DPP6: variants seen among roughly 807,000 people sequenced by gnomAD.
DPP6 encodes dipeptidyl peptidase like 6, also known as A-type potassium channel modulatory protein DPP6.
DPP6 carries 69 observed loss-of-function variants against 122.6 expected under a neutral mutation model. That is an observed-to-expected ratio of 0.56 (90% CI 0.46 to 0.69). The LOEUF is 0.69. DPP6 is among the 30% of genes least tolerant of loss of function. The pLI is 0.00. For missense variants in DPP6, 928 were observed against 1,116.9 expected (o/e 0.83, Z 2.41); for synonymous variants, 418 against 433.1 (o/e 0.97, Z 0.43).
chr7:154,608,316 T>A (rs1833685657), intron 5 of DPP6, among the ~76,000 whole-genome samples: 2 of 122,818 alleles, frequency 1.6e-5, no homozygotes, highest in Non-Finnish European at 3.4e-5. Context: ...TTTTTAGGAG[T>A]GATCATATAT....
intron 1 of DPP6, among the ~76,000 whole-genome samples, chr7:154,366,848 T>G (rs1445681507): frequency 3.3e-5 from 5 of 152,200 alleles, no homozygotes; most frequent in Admixed American, 3.3e-4. Context: ...TACAATTCCC[T>G]CCCTGTGAAG....
chr7:154,696,189 C>T (rs1056086600), intron 7 of DPP6, among the ~76,000 whole-genome samples: 3 of 152,192 alleles, frequency 2.0e-5, no homozygotes, highest in African/African-American at 4.8e-5. Flanking sequence ...CGGAAGCTTC[C>T]GTTCTGTGAG....
At chr7:154,458,769 A>T (rs1821023775) in intron 2 of DPP6, among the ~76,000 whole-genome samples, 1 of 152,242 alleles carries the variant, frequency 6.6e-6, no homozygotes, top group Non-Finnish European at 1.5e-5. Flanking sequence ...GCCATGTGCC[A>T]GCCCTTGGAA....
rs557680615 is a variant in DPP6 at position 154,466,027 on chromosome 7, TA to T, written c.359-8904del. On this transcript the variant is annotated intron_variant, in intron 2 of 25. Transcript: ENST00000377770. The stretch of plus-strand genomic sequence containing the variant: ...TATACCATGGAATACTATGCAGTCA[TA>T]AAAAAAATGAGTTCATGTCCTTTGC... 3.8e-3 allele frequency among the ~76,000 whole-genome samples: 572 copies of T among 152,000 alleles called. 2 individuals are homozygous for T. The highest frequency in any genetic ancestry group is 0.013 in the African/African-American group (546 of 41,472).
chr7:153,778,931 A>G, the DPP6 span, among the ~76,000 whole-genome samples: 1 of 148,750 alleles, frequency 6.7e-6, no homozygotes, highest in Non-Finnish European at 1.5e-5. Flanking sequence ...AAACAACTGA[A>G]GTCTTCACCT....
chr7:154,333,822 T>C (rs545932633), intron 1 of DPP6, among the ~76,000 whole-genome samples: 2 of 152,316 alleles, frequency 1.3e-5, no homozygotes, highest in Non-Finnish European at 2.9e-5. Flanking sequence ...GGGTCAGCCA[T>C]TGGTATTGCA....
chr7:154,231,465 G>A (rs1800912908), intron 1 of DPP6, among the ~76,000 whole-genome samples: 1 of 152,194 alleles, frequency 6.6e-6, no homozygotes, highest in Admixed American at 6.5e-5. Context: ...GAACCACGAT[G>A]TAAGTGTCAG....
intron 1 of DPP6, among the ~76,000 whole-genome samples, chr7:154,030,524 A>G (rs6980009): frequency 6.6e-6 from 1 of 152,110 alleles, no homozygotes; most frequent in East Asian, 1.9e-4. Context: ...CTCCTGCATC[A>G]TAACGGTGCT....
intron 7 of DPP6, among the ~76,000 whole-genome samples, chr7:154,721,990 C>A (rs1191266728): frequency 1.4e-5 from 2 of 146,286 alleles, no homozygotes; most frequent in Non-Finnish European, 3.0e-5. Flanking sequence ...CATAGTGAGA[C>A]CCCATCTCTA....
intron 1 of DPP6, among the ~76,000 whole-genome samples, chr7:154,246,530 A>C (rs1371146375): frequency 6.6e-6 from 1 of 152,214 alleles, no homozygotes; most frequent in Non-Finnish European, 1.5e-5. Flanking sequence ...AGAAATTGAC[A>C]AGCAGATTCT....
rs754755423 is a variant in DPP6, at chr7:154,643,202, T to A, written c.680+5329T>A. Reference sequence around the variant, plus strand: ...TAATTTCCCTCTTAAAAGAAGTATCTATGGCCTCAACTGTCTACAATTCTC... The same window carrying A: ...TAATTTCCCTCTTAAAAGAAGTATCAATGGCCTCAACTGTCTACAATTCTC... On this transcript the variant is annotated intron_variant, in intron 6 of 25. Coordinates refer to ENST00000377770, the MANE Select transcript of DPP6 (RefSeq NM_130797.4). Among the ~76,000 whole-genome samples, 7 of 152,190 alleles carry A rather than the reference T, an allele frequency of 4.6e-5. No individual in the cohort carries two copies. The East Asian group carries it at 7.7e-4, about 17-fold the overall frequency.
At chr7:154,662,314 G>A (rs1490650472) in intron 6 of DPP6, among the ~76,000 whole-genome samples, 1 of 151,532 alleles carries the variant, frequency 6.6e-6, no homozygotes, top group East Asian at 2.0e-4. Context: ...ATATAGTCAT[G>A]GTGAATCACC....
the DPP6 span, among the ~76,000 whole-genome samples, chr7:153,752,769 T>C: frequency 7.3e-6 from 1 of 136,286 alleles, no homozygotes; most frequent in Non-Finnish European, 1.5e-5. Context: ...ATCATTGAAG[T>C]TGGAATCCAG....
At chr7:154,092,374 G>A (rs1209960367) in intron 1 of DPP6, 1 of 151,968 alleles carries the variant, frequency 6.6e-6, no homozygotes, top group African/African-American at 2.4e-5. Context: ...CTGGCACACT[G>A]TGGACCACTG....
chr7:153,760,378 T>G, the DPP6 span, among the ~76,000 whole-genome samples: 2 of 152,184 alleles, frequency 1.3e-5, no homozygotes, highest in African/African-American at 4.8e-5. Flanking sequence ...CTGGGTCAAT[T>G]TCAATTGATC....
chr7:154,035,397 A>G (rs1316984018), intron 1 of DPP6, among the ~76,000 whole-genome samples: 1 of 152,264 alleles, frequency 6.6e-6, no homozygotes, highest in Non-Finnish European at 1.5e-5. Context: ...TTGTTGGTAA[A>G]TTATATAAAT....
rs539902886 is a variant in DPP6 at position 153,977,943 on chromosome 7, C to T, written c.51+90209C>T. On this transcript the variant is annotated intron_variant, in intron 1 of 25. Transcript: ENST00000404039. Reference sequence around the variant, plus strand: ...GTATATGTGCCACATTTTCTTTATCCAGTCTGTCATTGATGGGCATTTGGG... The same window carrying T: ...GTATATGTGCCACATTTTCTTTATCTAGTCTGTCATTGATGGGCATTTGGG... Among the ~76,000 whole-genome samples, 127 of 152,140 alleles carry T rather than the reference C, an allele frequency of 8.3e-4. 2 individuals carry two copies. Among genetic ancestry groups the T allele is most frequent in the African/African-American group, 2.8e-3 (118 of 41,512 alleles).
chr7:153,925,632 G>A (rs1043999414), intron 1 of DPP6, among the ~76,000 whole-genome samples: 2 of 151,702 alleles, frequency 1.3e-5, no homozygotes, highest in Admixed American at 1.3e-4. Flanking sequence ...GGTCCCTGAG[G>A]TTCTGATAAA....
intron 20 of DPP6, chr7:154,876,314 C>A: frequency 1.1e-6 from 1 of 873,232 alleles, no homozygotes; most frequent in Non-Finnish European, 1.6e-6. Flanking sequence ...TTTCCCACTG[C>A]AGGGTAGATT....
Sources: gnomAD v4.1 joint callset for allele counts (sites outside exome capture counted in the v4.1 genomes callset) on GRCh38, gnomAD v4.1.1 for gene constraint, MANE v1.5 for transcripts, NCBI Gene and HGNC (gene_info 2026-07-23, HGNC 2026-07-21) for gene names.